Variants in PRSS58 observed in about 807,000 individuals in gnomAD.
PRSS58 encodes the protein protease, serine 58.
PRSS58 carries 31 observed loss-of-function variants against 25.0 expected under a neutral mutation model. The observed-to-expected ratio is 1.24, with a 90% CI of 0.93 to 1.67. The LOEUF is 1.67. PRSS58 is among the 40% of genes most tolerant of loss of function. PRSS58 has a pLI of 0.00. For missense variants in PRSS58, 324 were observed against 287.9 expected, an observed-to-expected ratio of 1.13 and a Z score of -0.91; for synonymous variants, 119 against 106.1, an observed-to-expected ratio of 1.12 and a Z score of -0.75.
At position 142,252,489 on chromosome 7, in the gene PRSS58, T is replaced by C; in HGVS notation, c.559A>G (p.Arg187Gly). ...NMLCVGIVPG[R>G]RQPCKEVSAA... ...TATTTTACCTTGCAGGGCTGCCTCC[T>C]TCCTGGCACAATGCCCACACACAGC... is the stretch of plus-strand genomic sequence containing the variant. The change falls in exon 5 of 6, where the codon AGG becomes GGG. Residue 187 changes from arginine to glycine, a missense_variant. Arg to Gly is a moderately radical substitution (Grantham distance 125, BLOSUM62 -2). Transcript: ENST00000547058. 6.2e-7 allele frequency: 1 copy of C among 1,613,998 alleles called. No individual in the cohort carries two copies. The highest frequency in any genetic ancestry group is 1.1e-5 in the South Asian group (1 of 90,986).
rs950072242 is a variant in PRSS58 at position 142,252,695 on chromosome 7, A to G, written c.437-84T>C. 2.7e-5 allele frequency: 38 copies of G among 1,412,004 alleles called. 1 individual carries two copies. Among genetic ancestry groups the G allele is most frequent in the South Asian group, 5.5e-5 (4 of 72,948 alleles). 87.5% of individuals were successfully genotyped at this position (1,412,004 alleles called of 1,614,324 possible). On this transcript the variant is annotated intron_variant, in intron 4 of 5. Transcript: ENST00000547058. ...TTTAAAAAACTTTTCTTCTTCTACC[A>G]TCAGAAATTAAAAGAGATCAAACAT...
At chr7:142,257,415 A>G (rs1453820168) in intron 2 of PRSS58, among the ~76,000 whole-genome samples, 2 of 152,146 alleles carry the variant, frequency 1.3e-5, no homozygotes, top group Non-Finnish European at 2.9e-5. Context: ...GTCCAGAGTC[A>G]GGTCTTAGGA....
chr7:142,256,805 T>C (rs1048829909), intron 2 of PRSS58, among the ~76,000 whole-genome samples: 2 of 152,104 alleles, frequency 1.3e-5, no homozygotes, highest in African/African-American at 2.4e-5. Context: ...TCATGGGCAA[T>C]GTTGAACAAT....
Position 142,252,370 on chromosome 7 carries a change from C to A in PRSS58, c.577G>T (p.Glu193Ter). ...CAGATTGCCGGGGCAGCAGAAACTT[C>A]CTGCCAGGAAAACAATAATAACAAC... is the stretch of plus-strand genomic sequence containing the variant. Reference protein sequence around the residue: ...IVPGRRQPCKEVSAAPAICNG... With the variant: ...IVPGRRQPCK The change falls in exon 6 of 6, where the codon GAA (glutamate) becomes TAA (stop). Residue 193 changes from glutamate (E) to a stop codon, truncating the protein, a stop_gained and splice_region_variant. Coordinates refer to ENST00000547058, the MANE Select transcript of PRSS58 (RefSeq NM_001001317.5). LOFTEE classifies it high-confidence loss of function. 6.2e-7 allele frequency: 1 copy of A among 1,612,660 alleles called. No individual in the cohort carries two copies. Among genetic ancestry groups the A allele is most frequent in the African/African-American group, 1.3e-5 (1 of 74,938 alleles).
chr7:142,255,968 A>T (rs908067937), intron 2 of PRSS58, among the ~76,000 whole-genome samples: 2 of 152,178 alleles, frequency 1.3e-5, no homozygotes, highest in Non-Finnish European at 2.9e-5. Flanking sequence ...AAATCAACGA[A>T]TTTTTTTCAC....
Position 142,257,669 on chromosome 7 carries a change from A to T in PRSS58, c.39T>A (p.Thr13=), listed in dbSNP as rs1211539554. 2.5e-6 allele frequency: 4 copies of T among 1,612,090 alleles called. No homozygotes were observed. The highest frequency in any genetic ancestry group is 3.4e-6 in the Non-Finnish European group (4 of 1,178,234). The change falls in exon 2 of 6, where the codon ACT becomes ACA. Residue 13 remains threonine (T), a splice_region_variant and synonymous_variant. Coordinates refer to ENST00000547058, the MANE Select transcript of PRSS58 (RefSeq NM_001001317.5). ...FILLWALLNL[T]VALAFNPDYT... ...AGAGACAAATATGCACACACTCACCAGTCAGATTCAAGAGAGCCCAGAGGA... is the reference window on the plus strand; with the variant it reads ...AGAGACAAATATGCACACACTCACCTGTCAGATTCAAGAGAGCCCAGAGGA...
chr7:142,253,678 A>G (rs995808295), intron 4 of PRSS58, among the ~76,000 whole-genome samples: 4 of 152,176 alleles, frequency 2.6e-5, no homozygotes, highest in South Asian at 2.1e-4. Context: ...AAGATCCTTC[A>G]CTTTATTTTC....
chr7:142,257,894 G>A (rs1405670463), intron 1 of PRSS58, 97 bp downstream of exon 1: 12 of 598,482 alleles, frequency 2.0e-5, no homozygotes, highest in Non-Finnish European at 3.5e-5. Flanking sequence ...TCATCTGTCA[G>A]AGAGACAAGA....
At chr7:142,253,869 T>C (rs1276936954) in intron 4 of PRSS58, among the ~76,000 whole-genome samples, 1 of 152,120 alleles carries the variant, frequency 6.6e-6, no homozygotes, top group Non-Finnish European at 1.5e-5. Flanking sequence ...GACATTTGGC[T>C]CTTTCCAAAA....
intron 3 of PRSS58, 91 bp from the exon 4 acceptor site, chr7:142,255,402 T>G: frequency 6.3e-7 from 1 of 1,576,972 alleles, no homozygotes; most frequent in Non-Finnish European, 8.7e-7. Context: ...CAGACCTTTT[T>G]CTGTACCCTC....
rs760209609 is a variant in PRSS58 at position 142,252,532 on chromosome 7, G to T, written c.516C>A (p.Tyr172Ter). The change falls in exon 5 of 6, where the codon TAC becomes TAA. Residue 172 changes from tyrosine to a stop codon, truncating the protein, a stop_gained. Coordinates refer to ENST00000547058, the MANE Select transcript of PRSS58 (RefSeq NM_001001317.5). LOFTEE classifies it high-confidence loss of function. ...KPQCRDAYKT[Y>*]NITENMLCVG... ...CACACAGCATATTTTCCGTGATGTTGTAGGTTTTATAGGCATCGCGACACT... is the reference window on the plus strand; with the variant it reads ...CACACAGCATATTTTCCGTGATGTTTTAGGTTTTATAGGCATCGCGACACT... The T allele has an allele frequency of 6.2e-7, 1 of 1,614,216 alleles. No individual in the cohort carries two copies. The highest frequency in any genetic ancestry group is 8.5e-7 in the Non-Finnish European group (1 of 1,180,024).
rs773633290 is a variant in PRSS58 at position 142,252,353 on chromosome 7, C to G, written c.594G>C (p.Pro198=). 6.2e-7 allele frequency: 1 copy of G among 1,613,494 alleles called. No individual in the cohort carries two copies. The highest frequency in any genetic ancestry group is 8.5e-7 in the Non-Finnish European group (1 of 1,179,854). ...CTTGAAGCATCCCATTGCAGATTGC[C>G]GGGGCAGCAGAAACTTCCTGCCAGG... The part of the protein sequence containing the change: ...RQPCKEVSAA[P]AICNGMLQGI... The change falls in exon 6 of 6, where the codon CCG becomes CCC. Residue 198 remains proline, a synonymous_variant. Coordinates refer to ENST00000547058, the MANE Select transcript of PRSS58 (RefSeq NM_001001317.5).
chr7:142,255,060 T>C lies in PRSS58; in HGVS notation c.431A>G (p.Asp144Gly). Residue 144 changes from aspartate to glycine, a missense_variant, in exon 4 of 6, where the codon GAT becomes GGT. By Grantham distance (94) the Asp-to-Gly change is moderately conservative. Coordinates refer to ENST00000547058, the MANE Select transcript of PRSS58 (RefSeq NM_001001317.5). Reference protein sequence around the residue: ...SVSTWSYNVCDIYKEPDSLQT... With the variant: ...SVSTWSYNVCGIYKEPDSLQT... ...GAACATTGTCTTGAACTCACAGATA[T>C]CACACACATTGTAGCTCCAGGTAGA... 2.5e-6 allele frequency: 4 copies of C among 1,613,920 alleles called. No homozygotes were observed. Among genetic ancestry groups the C allele is most frequent in the Non-Finnish European group, 3.4e-6 (4 of 1,179,916 alleles).
chr7:142,257,810 A>G, intron 1 of PRSS58, 62 bp from the exon 2 acceptor site: 2 of 913,744 alleles, frequency 2.2e-6, no homozygotes, highest in South Asian at 1.4e-5. Flanking sequence ...TTGGAAAAAT[A>G]TATCATCTGA....
intron 2 of PRSS58, among the ~76,000 whole-genome samples, chr7:142,257,389 A>G (rs1169937352): frequency 6.6e-6 from 1 of 152,130 alleles, no homozygotes; most frequent in Non-Finnish European, 1.5e-5. Flanking sequence ...CAGAACATCA[A>G]TCCTGTTGCA....
intron 4 of PRSS58, 124 bp downstream of exon 4, chr7:142,254,931 G>A (rs1798526926): frequency 1.1e-6 from 1 of 950,268 alleles, no homozygotes; most frequent in Non-Finnish European, 1.6e-6. Flanking sequence ...GTGAGGTACA[G>A]AGAAAAGGAA....
chr7:142,257,881 G>A (rs1255046885), intron 1 of PRSS58, 110 bp downstream of exon 1: 20 of 615,714 alleles, frequency 3.2e-5, no homozygotes, highest in Non-Finnish European at 5.5e-5. Context: ...GGAGAGTGTA[G>A]CGTCATCTGT....
rs1014900131 is a variant in PRSS58 at position 142,256,544 on chromosome 7, C to T, written c.41-871G>A. 4.6e-5 allele frequency among the ~76,000 whole-genome samples: 7 copies of T among 152,166 alleles called. 1 individual carries two copies. Among genetic ancestry groups the T allele is most frequent in the African/African-American group, 1.7e-4 (7 of 41,448 alleles). The stretch of plus-strand genomic sequence containing the variant: ...AGTGGCAAGATCAGGCTCACTGCAG[C>T]CTCAACCTCCTGGGCTCAAGCAAAC... On this transcript the variant is annotated intron_variant, in intron 2 of 5. Transcript: ENST00000547058.
intron 4 of PRSS58, among the ~76,000 whole-genome samples, chr7:142,253,230 T>C (rs536661034): frequency 1.2e-4 from 19 of 152,322 alleles, no homozygotes; most frequent in African/African-American, 4.6e-4. Flanking sequence ...AAAGGGTTTC[T>C]TTTGAGATGT....
Sources: gnomAD v4.1 joint callset for allele counts (sites outside exome capture counted in the v4.1 genomes callset) on GRCh38, gnomAD v4.1.1 for gene constraint, MANE v1.5 for transcripts, NCBI Gene and HGNC (gene_info 2026-07-23, HGNC 2026-07-21) for gene names.